The following EPS8L2 variants were observed in gnomAD, a reference collection of about 807,000 sequenced individuals.
EPS8L2 encodes the protein epidermal growth factor receptor kinase substrate 8-like protein 2.
A neutral mutation model predicts 99.4 loss-of-function variants in EPS8L2; 81 were observed. The observed-to-expected ratio is 0.82, with a 90% confidence interval of 0.68 to 0.98. The LOEUF is 0.98. Among genes scored for constraint, EPS8L2 ranks in the 50% least tolerant of loss-of-function variants. EPS8L2 has a pLI of 0.00. For missense variants in EPS8L2, 1,155 were observed against 968.8 expected, an observed-to-expected ratio of 1.19 and a Z score of -2.55; for synonymous variants, 509 against 407.3, an observed-to-expected ratio of 1.25 and a Z score of -3.01.
chr11:723,160 C>T, intron 14 of EPS8L2, 81 bp from the exon 15 acceptor site: 2 of 725,060 alleles, frequency 2.8e-6, no homozygotes, highest in Non-Finnish European at 4.9e-6. Context: ...AGGACATTAG[C>T]CCAGCCCCTG....
chr11:725,749 TG>T lies in EPS8L2; in HGVS notation c.1584del (p.Trp528CysfsTer19). 1 of 1,326,760 alleles carries T rather than the reference TG, an allele frequency of 7.5e-7. No homozygotes were observed. 82.2% of individuals were successfully genotyped at this position (1,326,760 alleles called of 1,614,324 possible). A position where few individuals can be genotyped will look rare whatever the true frequency, so the allele number is the denominator to read the frequency against. On this transcript the variant is annotated frameshift_variant, in exon 17 of 21. Transcript: ENST00000318562. LOFTEE classifies it high-confidence loss of function. ...GCAGGTGCTGGAGGACGGCCGGCAG[TG>T]GTGGAAGCTGCGCAGCCGCAGCGGC... ...VLEVLEDGRQWWKLRSRSGQA... is the reference protein window; with the variant it reads ...VLEVLEDGRQXWKLRSRSGQA...
rs1488789781 is a variant in EPS8L2 at position 724,903 on chromosome 11, T to G, written c.1560+74T>G. ...TCAAGGGAGGGGCTACCAGGGGAGG[T>G]GGGGAGCGGTCTAGGGCCAGGCTGG... On this transcript the variant is annotated intron_variant, in intron 16 of 20. Transcript: ENST00000318562. This position sits in a 1 kb window ranked among gnomAD's most constrained non-coding sequence, Gnocchi z 5.5. 1 of 1,171,762 alleles carries G rather than the reference T, an allele frequency of 8.5e-7. No homozygotes were observed. Among genetic ancestry groups the G allele is most frequent in the South Asian group, 1.3e-5 (1 of 79,794 alleles). The allele number at this position is 1,171,762 out of a possible 1,614,324, so 72.6% of individuals were successfully genotyped here. A position where few individuals can be genotyped will look rare whatever the true frequency, so the allele number is the denominator to read the frequency against.
At position 719,483 on chromosome 11, in the gene EPS8L2, G is replaced by A. The variant is rs116476017; in HGVS notation, c.166-579G>A. ...GCACAGGGCAGGGGCCAGGCTGGCC[G>A]CAGATCCTCAGGGATGGACGCATCC... On this transcript the variant is annotated intron_variant, in intron 4 of 20. Transcript: ENST00000318562. Among the ~76,000 whole-genome samples, 376 of 152,356 alleles carry A rather than the reference G, an allele frequency of 2.5e-3. 1 individual carries two copies. Among genetic ancestry groups the A allele is most frequent in the African/African-American group, 8.8e-3 (365 of 41,586 alleles).
In EPS8L2 at chr11:721,930, C is replaced by T. The variant is rs577820383; in HGVS notation, c.923C>T (p.Pro308Leu). The change falls in exon 11 of 21, where the codon CCC becomes CTC. Residue 308 changes from proline to leucine, a missense_variant. Pro to Leu is a moderately conservative substitution (Grantham distance 98). Coordinates refer to ENST00000318562, the MANE Select transcript of EPS8L2 (RefSeq NM_022772.4). ...AEGVLTLRAR[P>L]PSEGEFIDCF... ...GGCGTCCTCACACTGCGGGCACGGC[C>T]CCCCTCTGAGGGCGAGTTCATCGAC... The T allele has an allele frequency of 1.3e-6, 2 of 1,597,290 alleles. No individual in the cohort carries two copies. The highest frequency in any genetic ancestry group is 1.1e-5 in the South Asian group (1 of 89,030).
At chr11:718,469 C>T (rs1862074254) in intron 4 of EPS8L2, among the ~76,000 whole-genome samples, 1 of 151,328 alleles carries the variant, frequency 6.6e-6, no homozygotes, top group African/African-American at 2.4e-5. Context: ...TGAGTTTTTG[C>T]ATGCTTTTTT....
chr11:720,317 C>G (rs1288425074), intron 5 of EPS8L2, 94 bp downstream of exon 5: 1 of 1,349,680 alleles, frequency 7.4e-7, no homozygotes, highest in Non-Finnish European at 1.0e-6. Context: ...GTCCTCTCTG[C>G]AGGGCCGGCC....
chr11:713,139 C>T (rs1164669865), intron 4 of EPS8L2, among the ~76,000 whole-genome samples: 1 of 152,232 alleles, frequency 6.6e-6, no homozygotes, highest in Non-Finnish European at 1.5e-5. Flanking sequence ...TGGGAAGTCT[C>T]TCCAGCCAGG....
In EPS8L2 at chr11:723,289, C is replaced by A. The variant is rs769920220; in HGVS notation, c.1390C>A (p.Pro464Thr). The stretch of plus-strand genomic sequence containing the variant: ...CATAAGAAACTCCCAGAAGCACAGC[C>A]CCACTTCAGAGCCCACCCCCCCGGG... ...QSIRNSQKHS[P>T]TSEPTPPGDA... The change falls in exon 15 of 21, where the codon CCC becomes ACC. Residue 464 changes from proline (P) to threonine (T), a missense_variant. Physicochemically the swap from Pro to Thr is conservative, Grantham distance 38 (BLOSUM62 -1). Transcript: ENST00000318562. 7 of 1,607,004 alleles carry A rather than the reference C, an allele frequency of 4.4e-6. No homozygotes were observed. In the South Asian group the frequency reaches 7.8e-5, roughly 18 times the overall value.
Position 721,842 on chromosome 11 carries a change from G to A in EPS8L2, c.896-61G>A, listed in dbSNP as rs765091110. 1.9e-6 allele frequency: 3 copies of A among 1,541,502 alleles called. No homozygotes were observed. The East Asian group carries it at 7.2e-5, about 37-fold the overall frequency. On this transcript the variant is annotated intron_variant, in intron 10 of 20. Transcript: ENST00000318562. ...CCACACAGATGGGCTGCGTGGGACA[G>A]AAGGCGCAGGGGCCGGGGAGATCAG...
intron 1 of EPS8L2, among the ~76,000 whole-genome samples, chr11:708,173 G>A (rs1361183678): frequency 6.6e-6 from 1 of 152,202 alleles, no homozygotes; most frequent in Non-Finnish European, 1.5e-5. Context: ...AGCCACAGGG[G>A]ACAGCCCTGC....
At position 726,725 on chromosome 11, in the gene EPS8L2, C is replaced by CT; in HGVS notation, c.2042dup (p.Thr682HisfsTer89). On this transcript the variant is annotated frameshift_variant, in exon 20 of 21. Transcript: ENST00000318562. LOFTEE classifies it high-confidence loss of function. Reference sequence around the variant, plus strand: ...GGAGGGCGTCCGCGTGTACAGCCAGCTCACCATGCAGAAGGCCTTCCTGGA... The same window carrying CT: ...GGAGGGCGTCCGCGTGTACAGCCAGCTTCACCATGCAGAAGGCCTTCCTGGA... The CT allele has an allele frequency of 6.3e-7, 1 of 1,595,148 alleles. No individual in the cohort carries two copies. The highest frequency in any genetic ancestry group is 8.5e-7 in the Non-Finnish European group (1 of 1,172,630).
intron 9 of EPS8L2, 26 bp downstream of exon 9, chr11:721,378 C>T (rs781088786): frequency 6.5e-7 from 1 of 1,536,562 alleles, no homozygotes; most frequent in Non-Finnish European, 8.7e-7. Flanking sequence ...CGGCAGGTGG[C>T]CCCTCTCTTC....
Position 722,436 on chromosome 11 carries a change from CT to C in EPS8L2, c.1096del (p.Ser366ProfsTer83). The C allele has an allele frequency of 6.2e-7, 1 of 1,613,464 alleles. No homozygotes were observed. The highest frequency in any genetic ancestry group is 1.1e-5 in the South Asian group (1 of 91,084). ...NTCSGPDIARSVSCPLLSRDA... is the reference protein window; with the variant it reads ...NTCSGPDIARXVSCPLLSRDA... ...CCTGCAGTGGCCCAGACATCGCACG[CT>C]CCGTCTCCTGCCCACTGCTCTCCCG... is the stretch of plus-strand genomic sequence containing the variant. On this transcript the variant is annotated frameshift_variant, in exon 13 of 21. Transcript: ENST00000318562. LOFTEE classifies it high-confidence loss of function.
chr11:720,234 G>T lies in EPS8L2; in HGVS notation c.327+11G>T. 1 of 1,612,552 alleles carries T rather than the reference G, an allele frequency of 6.2e-7. No homozygotes were observed. The highest frequency in any genetic ancestry group is 8.5e-7 in the Non-Finnish European group (1 of 1,179,690). On this transcript the variant is annotated intron_variant, in intron 5 of 20. Coordinates refer to ENST00000318562, the MANE Select transcript of EPS8L2 (RefSeq NM_022772.4). Reference sequence around the variant, plus strand: ...GACATCGAGTCACAGGTGGGGCCCAGCGCCACGGGGGACAGGGAGCACAGT... The same window carrying T: ...GACATCGAGTCACAGGTGGGGCCCATCGCCACGGGGGACAGGGAGCACAGT...
Position 709,535 on chromosome 11 carries a change from A to T in EPS8L2, c.45-18A>T. 2 of 1,602,090 alleles carry T rather than the reference A, an allele frequency of 1.2e-6. No individual in the cohort carries two copies. The highest frequency in any genetic ancestry group is 1.7e-6 in the Non-Finnish European group (2 of 1,173,520). On this transcript the variant is annotated intron_variant, in intron 2 of 20. Transcript: ENST00000318562. Reference sequence around the variant, plus strand: ...AGGGGTGCAGTTTGGCCCTGCCCTGACAGCCCCTCCCCTGCAGTGGCAGCC... The same window carrying T: ...AGGGGTGCAGTTTGGCCCTGCCCTGTCAGCCCCTCCCCTGCAGTGGCAGCC...
intron 8 of EPS8L2, 32 bp downstream of exon 8, chr11:721,238 G>T: frequency 6.5e-7 from 1 of 1,537,572 alleles, no homozygotes. Flanking sequence ...GGCTCCACAG[G>T]GCTCGTTGTG....
intron 6 of EPS8L2, 40 bp from the exon 7 acceptor site, chr11:720,790 G>C (rs1564975470): frequency 6.5e-7 from 1 of 1,542,440 alleles, no homozygotes; most frequent in Admixed American, 2.0e-5. Flanking sequence ...CCGCCGCGCC[G>C]CGCCCCGCCC....
Position 709,440 on chromosome 11 carries a change from G to A in EPS8L2, c.33G>A (p.Pro11=), listed in dbSNP as rs777671124. Residue 11 remains proline (P), a synonymous_variant, in exon 2 of 21, where the codon CCG becomes CCA. Transcript: ENST00000318562. ...AGTCCGGGGCCGTGAGCTGCTGCCC[G>A]GGTGCCACCAAGTGAGCCCTCCCAC... is the stretch of plus-strand genomic sequence containing the variant. MSQSGAVSCC[P]GATNGSLGRS... 2.1e-5 allele frequency: 34 copies of A among 1,597,156 alleles called. No homozygotes were observed. The African/African-American group carries it at 3.2e-4, about 15-fold the overall frequency.
At chr11:715,660 G>A (rs1315939015) in intron 4 of EPS8L2, among the ~76,000 whole-genome samples, 15 of 128,490 alleles carry the variant, frequency 1.2e-4, no homozygotes, top group East Asian at 6.7e-4. Flanking sequence ...TTGCTCTGTC[G>A]CCCAGGCTGG....
Sources: gnomAD v4.1 joint callset for allele counts (sites outside exome capture counted in the v4.1 genomes callset) on GRCh38, gnomAD v4.1.1 for gene constraint, Gnocchi (gnomAD v3.1) non-coding constraint, MANE v1.5 for transcripts, NCBI Gene and HGNC (gene_info 2026-07-23, HGNC 2026-07-21) for gene names.